Variants in TRIM37 observed in about 807,000 individuals in gnomAD.
TRIM37 encodes the protein E3 ubiquitin-protein ligase TRIM37.
TRIM37 carries 80 observed loss-of-function variants against 129.8 expected under a neutral mutation model. The observed-to-expected ratio is 0.62, with a 90% CI of 0.51 to 0.74. The LOEUF is 0.74. Among genes scored for constraint, TRIM37 ranks in the 30% least tolerant of loss-of-function variants. The pLI is 0.00. For synonymous variants in TRIM37, 389 were observed against 387.1 expected, an observed-to-expected ratio of 1.00 and a Z score of -0.06; for missense variants, 1,054 against 1,176.5, an observed-to-expected ratio of 0.90 and a Z score of 1.52.
At chr17:58,968,620 C>G in the TRIM37 span, among the ~76,000 whole-genome samples, 45 of 152,254 alleles carry the variant, frequency 3.0e-4, no homozygotes, top group African/African-American at 1.0e-3. Context: ...AAAAGACTTG[C>G]AAATGAAAAT....
At position 59,061,222 on chromosome 17, in the gene TRIM37, A is replaced by G; in HGVS notation, c.943-114T>C. The G allele has an allele frequency of 5.0e-6, 4 of 804,786 alleles. No homozygotes were observed. In the South Asian group the frequency reaches 6.2e-5, roughly 12 times the overall value. The allele number at this position is 804,786 out of a possible 1,614,324, so 49.9% of individuals were successfully genotyped here. ...TACTTCTAAGCCTCAAAGCAATGGA[A>G]GAAATAATTAAAAACACCAATAGAT... On this transcript the variant is annotated intron_variant, in intron 11 of 23. Transcript: ENST00000262294.
the TRIM37 span, among the ~76,000 whole-genome samples, chr17:58,977,163 G>A: frequency 6.6e-6 from 1 of 152,014 alleles, no homozygotes; most frequent in Non-Finnish European, 1.5e-5. Context: ...AATGAATGAG[G>A]GCTGGGCGCG....
intron 5 of TRIM37, among the ~76,000 whole-genome samples, chr17:59,083,521 C>G (rs1286137196): frequency 1.3e-5 from 2 of 151,762 alleles, no homozygotes; most frequent in Non-Finnish European, 1.5e-5. Flanking sequence ...TTCAATGCTT[C>G]AGGCTCAATA....
intron 7 of TRIM37, among the ~76,000 whole-genome samples, chr17:59,079,456 T>G (rs1037446140): frequency 6.6e-6 from 1 of 152,174 alleles, no homozygotes; most frequent in Non-Finnish European, 1.5e-5. Context: ...GGAACATTAG[T>G]AGAAGGAATT....
the TRIM37 span, among the ~76,000 whole-genome samples, chr17:58,976,306 G>A: frequency 6.6e-6 from 1 of 152,100 alleles, no homozygotes; most frequent in Non-Finnish European, 1.5e-5. Flanking sequence ...GTGTGGCAAG[G>A]GTGGGAGGGG....
At chr17:59,081,035 A>G (rs1822841228) in intron 6 of TRIM37, 62 bp downstream of exon 6, 1 of 921,330 alleles carries the variant, frequency 1.1e-6, no homozygotes, top group African/African-American at 1.8e-5. Context: ...TATATTATAT[A>G]AATATATTAT....
intron 9 of TRIM37, among the ~76,000 whole-genome samples, chr17:59,065,090 CT>C (rs1338724337): frequency 4.0e-5 from 6 of 151,846 alleles, no homozygotes; most frequent in African/African-American, 1.5e-4. Context: ...TTTATAAAAG[CT>C]TTTTTTCCTA....
At chr17:59,066,896 C>T (rs1302415166) in intron 9 of TRIM37, among the ~76,000 whole-genome samples, 1 of 152,092 alleles carries the variant, frequency 6.6e-6, no homozygotes, top group Non-Finnish European at 1.5e-5. Flanking sequence ...TTAACACATG[C>T]CTAAAATATA....
At chr17:58,993,977 T>C (rs1016353928), downstream of TRIM37, among the ~76,000 whole-genome samples, 11 of 152,356 alleles carry the variant, frequency 7.2e-5, no homozygotes, top group African/African-American at 2.6e-4. Context: ...AAGAACTGTA[T>C]ACAAGCACTG....
At position 59,036,447 on chromosome 17, in the gene TRIM37, G is replaced by GTGT. The variant is rs2038497208; in HGVS notation, c.1754-4358_1754-4357insACA. ...AAAAATCTAGTTTGTATTTGCTGGG[G>GTGT]GTGTGTGTGTGTGTGTGTGTGTGTG... On this transcript the variant is annotated intron_variant, in intron 17 of 23. Transcript: ENST00000262294. 3.4e-3 allele frequency among the ~76,000 whole-genome samples: 476 copies of GTGT among 140,674 alleles called. 3 individuals are homozygous for GTGT. Among genetic ancestry groups the GTGT allele is most frequent in the African/African-American group, 0.012 (431 of 36,482 alleles). The allele number at this position is 140,674 out of a possible 152,430, so 92.3% of individuals were successfully genotyped here.
At position 59,106,797 on chromosome 17, in the gene TRIM37, G is replaced by C; in HGVS notation, c.-336C>G. 3.8e-6 allele frequency: 2 copies of C among 532,148 alleles called. No individual in the cohort carries two copies. The highest frequency in any genetic ancestry group is 3.3e-5 in the East Asian group (1 of 30,008). 33.0% of individuals were successfully genotyped at this position (532,148 alleles called of 1,614,324 possible). On this transcript the variant is annotated 5_prime_UTR_variant, in exon 1 of 24. Transcript: ENST00000262294. ...GCGCGCCTATGGAACTGACGGTGGA[G>C]TTCAGCGAAGAAGGTGCCGCAGAGA...
At chr17:59,105,881 C>A (rs1375949292) in intron 1 of TRIM37, among the ~76,000 whole-genome samples, 1 of 146,790 alleles carries the variant, frequency 6.8e-6, no homozygotes, top group Admixed American at 6.8e-5. Flanking sequence ...AAAATATATT[C>A]CTAGCCTTTA....
chr17:59,034,106 CAA>C (rs764498365), intron 17 of TRIM37, among the ~76,000 whole-genome samples: 8 of 127,352 alleles, frequency 6.3e-5, no homozygotes, highest in Admixed American at 1.6e-4. Flanking sequence ...GACTCCATCT[CAA>C]AAAAAAAAAA....
At chr17:59,036,131 G>C (rs966008508) in intron 17 of TRIM37, among the ~76,000 whole-genome samples, 3 of 152,092 alleles carry the variant, frequency 2.0e-5, no homozygotes, top group African/African-American at 7.2e-5. Flanking sequence ...CTGTGGTCCA[G>C]GTGCAATAGC....
intron 2 of TRIM37, among the ~76,000 whole-genome samples, chr17:59,097,552 G>A (rs2045021141): frequency 2.0e-5 from 3 of 148,094 alleles, no homozygotes; most frequent in Admixed American, 2.0e-4. Flanking sequence ...AATGCTTAGG[G>A]AAAAAAAAAA....
chr17:59,003,622 T>C (rs1249053013), intron 22 of TRIM37, among the ~76,000 whole-genome samples: 1 of 140,794 alleles, frequency 7.1e-6, no homozygotes, highest in Non-Finnish European at 1.5e-5. Context: ...ACTGGCAGAT[T>C]AAAACAAGAC....
At chr17:59,006,046 C>A (rs1187198157) in intron 22 of TRIM37, among the ~76,000 whole-genome samples, 2 of 152,004 alleles carry the variant, frequency 1.3e-5, no homozygotes, top group African/African-American at 4.8e-5. Flanking sequence ...AAAATTAATT[C>A]TAATAAGACA....
At chr17:58,980,821 G>A (rs750199738), downstream of TRIM37, 5 of 1,614,172 alleles carry the variant, frequency 3.1e-6, no homozygotes, top group South Asian at 4.4e-5. The surrounding 1 kb of genome is among the most constrained non-coding windows in gnomAD (Gnocchi z 4.7). Flanking sequence ...TTAATCCAAA[G>A]TTTTATTCAT....
At chr17:59,063,407 G>A (rs1422741731) in intron 10 of TRIM37, among the ~76,000 whole-genome samples, 1 of 152,140 alleles carries the variant, frequency 6.6e-6, no homozygotes, top group African/African-American at 2.4e-5. Flanking sequence ...TTGAACTCCT[G>A]ACCTCGATGA....
Sources: allele counts gnomAD v4.1 joint callset (sites outside exome capture counted in the v4.1 genomes callset), GRCh38; gene constraint gnomAD v4.1.1; non-coding constraint Gnocchi (gnomAD v3.1); transcripts MANE v1.5; gene names NCBI Gene and HGNC (gene_info 2026-07-23, HGNC 2026-07-21).